Variants in KCNIP4 observed in about 807,000 individuals in gnomAD.
KCNIP4 encodes Kv channel-interacting protein 4.
In KCNIP4, 12 loss-of-function variants were observed where a neutral mutation model predicts 34.0. The observed-to-expected ratio is 0.35, with a 90% confidence interval of 0.23 to 0.57. The LOEUF (loss-of-function observed/expected upper bound fraction) is 0.57. Ranked by LOEUF, KCNIP4 falls within the 20% of genes least tolerant of loss-of-function variation. The probability of loss-of-function intolerance (pLI) is 0.83; values close to 1 mark genes in which losing one functional copy is unlikely to be tolerated. For synonymous variants in KCNIP4, 124 were observed against 102.2 expected (o/e 1.21, Z -1.29); for missense variants, 238 against 311.7 (o/e 0.76, Z 1.78).
intron 1 of KCNIP4, among the ~76,000 whole-genome samples, chr4:21,579,239 C>T (rs932667392): frequency 3.3e-5 from 5 of 151,988 alleles, no homozygotes; most frequent in Admixed American, 2.0e-4. Flanking sequence ...TCTGATAATG[C>T]AGAAAAACAC....
At chr4:21,230,992 G>T (rs747789495) in intron 1 of KCNIP4, among the ~76,000 whole-genome samples, 1 of 152,132 alleles carries the variant, frequency 6.6e-6, no homozygotes, top group African/African-American at 2.4e-5. Context: ...GTGTAAAAGC[G>T]TTCCTATTGG....
chr4:21,415,992 C>T (rs566219955), intron 1 of KCNIP4, among the ~76,000 whole-genome samples: 2 of 152,272 alleles, frequency 1.3e-5, no homozygotes, highest in African/African-American at 4.8e-5. Context: ...AAATGAGAAG[C>T]TTCTGTAAAG....
chr4:21,394,218 C>G (rs1449824020), intron 1 of KCNIP4, among the ~76,000 whole-genome samples: 1 of 152,150 alleles, frequency 6.6e-6, no homozygotes, highest in African/African-American at 2.4e-5. Flanking sequence ...GGCAATGTCT[C>G]TTTTACTATA....
chr4:21,905,708 C>A (rs1268006380), intron 1 of KCNIP4, among the ~76,000 whole-genome samples: 3 of 152,164 alleles, frequency 2.0e-5, no homozygotes, highest in African/African-American at 7.2e-5. Context: ...ATGTGACCAG[C>A]ATGTGTGCAC....
chr4:21,350,979 T>A (rs1224675784), intron 1 of KCNIP4, among the ~76,000 whole-genome samples: 1 of 152,190 alleles, frequency 6.6e-6, no homozygotes, highest in Non-Finnish European at 1.5e-5. Flanking sequence ...ATCTGCATTA[T>A]GCTTTATGGG....
intron 3 of KCNIP4, among the ~76,000 whole-genome samples, chr4:20,836,292 T>A (rs188632742): frequency 6.6e-6 from 1 of 152,306 alleles, no homozygotes; most frequent in African/African-American, 2.4e-5. Flanking sequence ...TTTCCTGCCT[T>A]AGGGCTTTTG....
intron 1 of KCNIP4, among the ~76,000 whole-genome samples, chr4:21,149,576 G>T (rs2109240084): frequency 6.6e-6 from 1 of 152,236 alleles, no homozygotes; most frequent in Middle Eastern, 3.4e-3. Context: ...TTTTGAAAAA[G>T]GACATGGTTG....
chr4:21,117,779 C>A (rs1749817964), intron 1 of KCNIP4, among the ~76,000 whole-genome samples: 4 of 152,038 alleles, frequency 2.6e-5, no homozygotes, highest in Admixed American at 2.6e-4. Flanking sequence ...ATGTGTCATC[C>A]CTACTTGTTT....
intron 1 of KCNIP4, among the ~76,000 whole-genome samples, chr4:21,656,053 T>C (rs1188240473): frequency 1.3e-5 from 2 of 152,132 alleles, no homozygotes; most frequent in African/African-American, 4.8e-5. Flanking sequence ...ACAACAGAAA[T>C]ATATTGTCTC....
At chr4:21,747,517 A>G (rs554447122) in intron 1 of KCNIP4, among the ~76,000 whole-genome samples, 2 of 152,296 alleles carry the variant, frequency 1.3e-5, no homozygotes, top group East Asian at 3.9e-4. Flanking sequence ...GTACTGTGCC[A>G]GAAGAACCTG....
chr4:21,593,135 G>T (rs924551700), intron 1 of KCNIP4, among the ~76,000 whole-genome samples: 2 of 151,208 alleles, frequency 1.3e-5, no homozygotes, highest in Admixed American at 1.3e-4. Flanking sequence ...GTGTGTGTGT[G>T]TGTGTGTGTG....
At chr4:20,733,789 T>C (rs1026575382) in intron 6 of KCNIP4, among the ~76,000 whole-genome samples, 1 of 152,316 alleles carries the variant, frequency 6.6e-6, no homozygotes, top group Non-Finnish European at 1.5e-5. Context: ...TGGCACCCAC[T>C]AGTGATACCT....
At chr4:21,227,630 T>C (rs1212255870) in intron 1 of KCNIP4, among the ~76,000 whole-genome samples, 1 of 152,178 alleles carries the variant, frequency 6.6e-6, no homozygotes, top group African/African-American at 2.4e-5. Context: ...CTGTGACTTC[T>C]GCCCAAGTGG....
chr4:21,087,677 C>T lies in KCNIP4; in HGVS notation c.62-204968G>A, dbSNP rs191873343. 3.2e-4 allele frequency among the ~76,000 whole-genome samples: 48 copies of T among 152,274 alleles called. 1 individual carries two copies. Among genetic ancestry groups the T allele is most frequent in the Non-Finnish European group, 5.9e-5 (4 of 68,034 alleles). On this transcript the variant is annotated intron_variant, in intron 1 of 8. Transcript: ENST00000382152. ...GCATTTTCTCACTCACTTCACAACA[C>T]AATTCCAACACAACCAGGTTTATAT...
chr4:21,019,843 A>T (rs951255212), intron 1 of KCNIP4, among the ~76,000 whole-genome samples: 1 of 152,156 alleles, frequency 6.6e-6, no homozygotes, highest in African/African-American at 2.4e-5. Flanking sequence ...GCATTATATG[A>T]TAAGGTTGAA....
intron 1 of KCNIP4, among the ~76,000 whole-genome samples, chr4:21,753,136 T>C (rs1480745307): frequency 1.3e-5 from 2 of 152,152 alleles, no homozygotes; most frequent in Non-Finnish European, 2.9e-5. Context: ...TTTGAGTGAG[T>C]GTTTCCAAGA....
At chr4:20,770,972 A>G (rs1560452571) in intron 3 of KCNIP4, among the ~76,000 whole-genome samples, 1 of 152,056 alleles carries the variant, frequency 6.6e-6, no homozygotes, top group Non-Finnish European at 1.5e-5. Context: ...TGAATGAAAA[A>G]CAATATAACA....
chr4:21,473,838 C>T (rs1284352303), intron 1 of KCNIP4, among the ~76,000 whole-genome samples: 1 of 151,902 alleles, frequency 6.6e-6, no homozygotes, highest in Non-Finnish European at 1.5e-5. Context: ...CTCAGCCTCC[C>T]CAAGAGCTGA....
intron 1 of KCNIP4, among the ~76,000 whole-genome samples, chr4:21,281,656 A>G (rs1012886260): frequency 1.3e-5 from 2 of 152,192 alleles, no homozygotes; most frequent in Non-Finnish European, 2.9e-5. Context: ...AATTTACACA[A>G]CTCAAGGAGA....
Sources: allele counts gnomAD v4.1 joint callset (sites outside exome capture counted in the v4.1 genomes callset), GRCh38; gene constraint gnomAD v4.1.1; transcripts MANE v1.5; gene names NCBI Gene and HGNC (gene_info 2026-07-23, HGNC 2026-07-21).